CCDC148: variants seen among roughly 807,000 people sequenced by gnomAD.
CCDC148 encodes the protein coiled-coil domain-containing protein 148.
Under a neutral mutation model 85.7 loss-of-function variants are expected in CCDC148, and 89 were observed. The ratio of observed to expected loss-of-function variants is 1.04; its 90% CI spans 0.87 to 1.24. CCDC148 has a LOEUF of 1.24. Among genes scored for constraint, CCDC148 ranks in the 50% most tolerant of loss-of-function variants. CCDC148 has a pLI of 0.00. For synonymous variants in CCDC148, 230 were observed against 213.9 expected (o/e 1.08, Z -0.66); for missense variants, 692 against 671.7 (o/e 1.03, Z -0.33).
rs1484410300 is a variant in CCDC148, at chr2:158,340,697, C to A, written c.252-17G>T. ...ATTTTACATCTGAAATAGATGTGAT[C>A]TCAATAAATGTTACAATCATAAACA... On this transcript the variant is annotated splice_polypyrimidine_tract_variant and intron_variant, in intron 3 of 13. Transcript: ENST00000283233. 2 of 1,370,492 alleles carry A rather than the reference C, an allele frequency of 1.5e-6. No individual in the cohort carries two copies. The highest frequency in any genetic ancestry group is 2.3e-5 in the East Asian group (1 of 42,810). The allele number at this position is 1,370,492 out of a possible 1,614,324, so 84.9% of individuals were successfully genotyped here. A position where few individuals can be genotyped will look rare whatever the true frequency, so the allele number is the denominator to read the frequency against.
chr2:158,260,745 C>T (rs541100686), intron 9 of CCDC148, among the ~76,000 whole-genome samples: 57 of 151,904 alleles, frequency 3.8e-4, no homozygotes, highest in Middle Eastern at 3.4e-3. Flanking sequence ...AGCCAAAACA[C>T]GAATGCAATC....
intron 11 of CCDC148, among the ~76,000 whole-genome samples, chr2:158,183,799 T>C (rs1281929065): frequency 6.6e-6 from 1 of 152,118 alleles, no homozygotes; most frequent in Non-Finnish European, 1.5e-5. Flanking sequence ...GAGGTGCTAC[T>C]ATCAGGTGTT....
rs570344686 is a variant in CCDC148 at position 158,203,462 on chromosome 2, T to C, written c.1370+17133A>G. Among the ~76,000 whole-genome samples the C allele has an allele frequency of 2.0e-5, 3 of 152,062 alleles. No individual in the cohort carries two copies. In the South Asian group the frequency reaches 6.3e-4, roughly 32 times the overall value. The stretch of plus-strand genomic sequence containing the variant: ...AGTGAGGATTTTCCTCCTAAACTCT[T>C]CTCCACTATTAATGGCAAATGAGTT... On this transcript the variant is annotated intron_variant, in intron 11 of 13. Transcript: ENST00000283233.
intron 1 of CCDC148, among the ~76,000 whole-genome samples, chr2:158,389,163 C>T (rs1345133434): frequency 6.6e-6 from 1 of 152,130 alleles, no homozygotes; most frequent in Non-Finnish European, 1.5e-5. Context: ...TTTAAATTCT[C>T]ATAGAGAACT....
At chr2:158,223,786 A>C (rs1261021472) in intron 10 of CCDC148, among the ~76,000 whole-genome samples, 1 of 152,224 alleles carries the variant, frequency 6.6e-6, no homozygotes, top group Admixed American at 6.5e-5. Context: ...AAACTAACAA[A>C]CAGAAAAGAC....
intron 1 of CCDC148, among the ~76,000 whole-genome samples, chr2:158,430,236 T>G (rs749677509): frequency 2.6e-5 from 4 of 152,036 alleles, no homozygotes; most frequent in African/African-American, 4.8e-5. Flanking sequence ...TCAGGAGCCT[T>G]AGGAGGAAAA....
At chr2:158,216,169 T>C (rs1045857118) in intron 11 of CCDC148, among the ~76,000 whole-genome samples, 1 of 152,164 alleles carries the variant, frequency 6.6e-6, no homozygotes, top group African/African-American at 2.4e-5. Context: ...ATAGCATGCA[T>C]GTATATGCAT....
At chr2:158,360,760 C>T (rs1683907035) in intron 1 of CCDC148, among the ~76,000 whole-genome samples, 1 of 152,032 alleles carries the variant, frequency 6.6e-6, no homozygotes, top group South Asian at 2.1e-4. Context: ...AACCAGTACG[C>T]CTCTTCCACT....
chr2:158,199,734 T>C (rs1439283720), intron 11 of CCDC148, among the ~76,000 whole-genome samples: 1 of 152,154 alleles, frequency 6.6e-6, no homozygotes, highest in Non-Finnish European at 1.5e-5. Context: ...TTTATGACAG[T>C]TATTAGTAAA....
chr2:158,341,636 CA>C (rs1424235604), intron 3 of CCDC148, among the ~76,000 whole-genome samples: 2 of 21,628 alleles, frequency 9.2e-5, no homozygotes, highest in African/African-American at 3.0e-4. Context: ...AAAATATAGT[CA>C]TTTTTTTAGA....
rs139658835 is a variant in CCDC148, at chr2:158,376,036, G to A, written c.26-17466C>T. Reference sequence around the variant, plus strand: ...ACAAAATCCTCAACTGAGATAGACTGGGATAATATGAAGCACCCAGGAGAT... The same window carrying A: ...ACAAAATCCTCAACTGAGATAGACTAGGATAATATGAAGCACCCAGGAGAT... On this transcript the variant is annotated intron_variant, in intron 1 of 13. Coordinates refer to ENST00000283233, the MANE Select transcript of CCDC148 (RefSeq NM_138803.4). Among the ~76,000 whole-genome samples the A allele has an allele frequency of 9.2e-5, 14 of 152,178 alleles. No individual in the cohort carries two copies. In the East Asian group the frequency reaches 2.5e-3, roughly 27 times the overall value.
intron 10 of CCDC148, among the ~76,000 whole-genome samples, chr2:158,225,115 C>A (rs147307477): frequency 0.015 from 2,309 of 152,166 alleles, 27 homozygotes; most frequent in African/African-American, 0.029. Context: ...GAAGATCTAC[C>A]AAGCAAAAGG....
At chr2:158,319,614 A>T (rs1692432942) in intron 7 of CCDC148, among the ~76,000 whole-genome samples, 1 of 152,222 alleles carries the variant, frequency 6.6e-6, no homozygotes, top group African/African-American at 2.4e-5. Context: ...CTTGTTAAAT[A>T]AGAAATTCCT....
intron 10 of CCDC148, among the ~76,000 whole-genome samples, chr2:158,221,278 A>C (rs537488343): frequency 6.6e-6 from 1 of 152,212 alleles, no homozygotes; most frequent in Admixed American, 6.5e-5. Flanking sequence ...GTGGTAAAAT[A>C]AAGGTCGAGC....
intron 11 of CCDC148, among the ~76,000 whole-genome samples, chr2:158,198,480 C>T (rs764498563): frequency 3.3e-5 from 5 of 152,186 alleles, no homozygotes; most frequent in Non-Finnish European, 7.3e-5. Flanking sequence ...AATGGCCCAA[C>T]TTCATGGTCA....
chr2:158,225,021 G>A (rs186216618), intron 10 of CCDC148, among the ~76,000 whole-genome samples: 1 of 152,288 alleles, frequency 6.6e-6, no homozygotes, highest in East Asian at 1.9e-4. Flanking sequence ...ATTGGATAAA[G>A]AGTGAAGACC....
chr2:158,440,997 T>C (rs1687909369), intron 1 of CCDC148, among the ~76,000 whole-genome samples: 1 of 152,016 alleles, frequency 6.6e-6, no homozygotes, highest in African/African-American at 2.4e-5. Flanking sequence ...TATACACTGA[T>C]CACACCTGTA....
chr2:158,444,086 G>A (rs551347984), intron 1 of CCDC148, among the ~76,000 whole-genome samples: 1 of 152,268 alleles, frequency 6.6e-6, no homozygotes, highest in South Asian at 2.1e-4. Context: ...TTTTAAATAT[G>A]AGGAGGAGAA....
Position 158,256,488 on chromosome 2 carries a change from T to C in CCDC148, c.1111-5576A>G, listed in dbSNP as rs180909773. 4.6e-3 allele frequency among the ~76,000 whole-genome samples: 697 copies of C among 151,936 alleles called. 3 individuals carry two copies. The highest frequency in any genetic ancestry group is 0.017 in the Middle Eastern group (5 of 294). ...AGTACTTTGTAAACCTTTTAAATAA[T>C]AATAATTAAACATTAATATTATATT... On this transcript the variant is annotated intron_variant, in intron 9 of 13. Transcript: ENST00000283233.
Sources: allele counts gnomAD v4.1 joint callset (sites outside exome capture counted in the v4.1 genomes callset), GRCh38; gene constraint gnomAD v4.1.1; transcripts MANE v1.5; gene names NCBI Gene and HGNC (gene_info 2026-07-23, HGNC 2026-07-21).